COL23A1: variants seen among roughly 807,000 people sequenced by gnomAD.
The protein encoded by COL23A1 is collagen alpha-1(XXIII) chain.
Under a neutral mutation model 99.3 loss-of-function variants are expected in COL23A1, and 97 were observed. That is an observed-to-expected ratio of 0.98 (90% CI 0.83 to 1.16). The LOEUF is 1.16. Among genes scored for constraint, COL23A1 ranks in the 50% most tolerant of loss-of-function variants. COL23A1 has a pLI of 0.00. For synonymous variants in COL23A1, 320 were observed against 308.2 expected, an observed-to-expected ratio of 1.04 and a Z score of -0.40; for missense variants, 762 against 757.4, an observed-to-expected ratio of 1.01 and a Z score of -0.07.
At chr5:178,296,171 A>C (rs889796283) in intron 3 of COL23A1, among the ~76,000 whole-genome samples, 1 of 152,198 alleles carries the variant, frequency 6.6e-6, no homozygotes, top group Non-Finnish European at 1.5e-5. Context: ...CCTCCAGGGA[A>C]GCTCAGGCTG....
chr5:178,265,050 C>T (rs1367269207), intron 8 of COL23A1, among the ~76,000 whole-genome samples: 3 of 152,202 alleles, frequency 2.0e-5, no homozygotes, highest in Non-Finnish European at 4.4e-5. Flanking sequence ...CCCAGGGTTA[C>T]AGAGCCAGGG....
At position 178,239,133 on chromosome 5, in the gene COL23A1, C is replaced by T; in HGVS notation, c.1620+8G>A. The T allele has an allele frequency of 1.2e-6, 2 of 1,614,164 alleles. No homozygotes were observed. Among genetic ancestry groups the T allele is most frequent in the Non-Finnish European group, 1.7e-6 (2 of 1,180,030 alleles). On this transcript the variant is annotated splice_region_variant and intron_variant, in intron 28 of 28. Coordinates refer to ENST00000390654, the MANE Select transcript of COL23A1 (RefSeq NM_173465.4). Reference sequence around the variant, plus strand: ...CAAGCCTGCCCTGGAGACTTCCCTGCACGGTACCTTATGCCAGCAGCCAGG... The same window carrying T: ...CAAGCCTGCCCTGGAGACTTCCCTGTACGGTACCTTATGCCAGCAGCCAGG...
intron 2 of COL23A1, among the ~76,000 whole-genome samples, chr5:178,477,134 G>C (rs776674098): frequency 6.6e-6 from 1 of 152,184 alleles, no homozygotes; most frequent in Non-Finnish European, 1.5e-5. Flanking sequence ...ACAGTAAAGC[G>C]CCATAAGAGG....
chr5:178,555,201 C>T (rs62391101), intron 2 of COL23A1, among the ~76,000 whole-genome samples: 16,050 of 152,128 alleles, frequency 0.11, 1,104 homozygotes, highest in Non-Finnish European at 0.15. Flanking sequence ...GTCATGAGGG[C>T]CCACCCTAAG....
Position 178,577,617 on chromosome 5 carries a change from C to T in COL23A1, c.294+12287G>A, listed in dbSNP as rs778920904. 7.4e-4 allele frequency among the ~76,000 whole-genome samples: 113 copies of T among 152,178 alleles called. 1 individual carries two copies. The highest frequency in any genetic ancestry group is 1.3e-3 in the Non-Finnish European group (87 of 68,026). On this transcript the variant is annotated intron_variant, in intron 1 of 28. Transcript: ENST00000390654. Reference sequence around the variant, plus strand: ...CCTCCCAGAACCCGCGCCTGCCCCCCGCTGCCTGGATGGGGTCTCTGTACC... The same window carrying T: ...CCTCCCAGAACCCGCGCCTGCCCCCTGCTGCCTGGATGGGGTCTCTGTACC...
In COL23A1 at chr5:178,415,593, T is replaced by C. The variant is rs1315894073; in HGVS notation, c.362-108674A>G. On this transcript the variant is annotated intron_variant, in intron 2 of 28. Transcript: ENST00000390654. This position sits in a 1 kb window ranked among gnomAD's most constrained non-coding sequence, Gnocchi z 4.6. The stretch of plus-strand genomic sequence containing the variant: ...CAGATACTTCCAATGTGCTGACTGC[T>C]GGCACCAGAGGACAGTGCTGCCCCC... Among the ~76,000 whole-genome samples the C allele has an allele frequency of 1.3e-5, 2 of 152,168 alleles. No homozygotes were observed. Among genetic ancestry groups the C allele is most frequent in the Non-Finnish European group, 2.9e-5 (2 of 68,032 alleles).
At chr5:178,253,094 G>A (rs1765118715) in intron 16 of COL23A1, among the ~76,000 whole-genome samples, 1 of 151,924 alleles carries the variant, frequency 6.6e-6, no homozygotes, top group Non-Finnish European at 1.5e-5. Flanking sequence ...GGTAGGGGTG[G>A]GGTCTCCAGT....
chr5:178,460,577 C>T (rs1031293493), intron 2 of COL23A1, among the ~76,000 whole-genome samples: 5 of 152,164 alleles, frequency 3.3e-5, no homozygotes, highest in East Asian at 3.9e-4. Flanking sequence ...CTCTTCTAGA[C>T]GGGAAAACAG....
intron 2 of COL23A1, among the ~76,000 whole-genome samples, chr5:178,316,544 A>T (rs1198093943): frequency 2.0e-5 from 3 of 152,194 alleles, no homozygotes; most frequent in African/African-American, 7.2e-5. Flanking sequence ...GCTCCTATCC[A>T]GACAGAATTC....
rs114077200 is a variant in COL23A1 at position 178,348,535 on chromosome 5, G to A, written c.362-41616C>T. Among the ~76,000 whole-genome samples, 820 of 152,298 alleles carry A rather than the reference G, an allele frequency of 5.4e-3. 6 individuals carry two copies. The highest frequency in any genetic ancestry group is 0.019 in the African/African-American group (780 of 41,570). Reference sequence around the variant, plus strand: ...GGTGTGTGGCCTCAGGGCTCCGAACGGCGCTGGGCCAGCAGGCATACCCTC... The same window carrying A: ...GGTGTGTGGCCTCAGGGCTCCGAACAGCGCTGGGCCAGCAGGCATACCCTC... On this transcript the variant is annotated intron_variant, in intron 2 of 28. Coordinates refer to ENST00000390654, the MANE Select transcript of COL23A1 (RefSeq NM_173465.4).
At chr5:178,391,348 G>A (rs899146866) in intron 2 of COL23A1, among the ~76,000 whole-genome samples, 3 of 152,204 alleles carry the variant, frequency 2.0e-5, no homozygotes, top group Admixed American at 6.5e-5. Flanking sequence ...TCATATATCC[G>A]ATAAGGGACC....
rs1338274591 is a variant in COL23A1, at chr5:178,566,526, C to CT, written c.295-5779dup. 2.0e-5 allele frequency among the ~76,000 whole-genome samples: 3 copies of CT among 152,262 alleles called. No homozygotes were observed. In the East Asian group the frequency reaches 5.8e-4, roughly 29 times the overall value. ...CAAAATGGTGTTTTCATTGAAAACT[C>CT]TAAGGCTGGCCAGGTGTGGTGGCTC... is the stretch of plus-strand genomic sequence containing the variant. On this transcript the variant is annotated intron_variant, in intron 1 of 28. Coordinates refer to ENST00000390654, the MANE Select transcript of COL23A1 (RefSeq NM_173465.4).
chr5:178,571,130 G>A (rs1763073085), intron 1 of COL23A1, among the ~76,000 whole-genome samples: 1 of 152,182 alleles, frequency 6.6e-6, no homozygotes. Flanking sequence ...GGGAGGCCGA[G>A]GCAGGAGGAT....
chr5:178,456,186 T>C (rs890797959), intron 2 of COL23A1, among the ~76,000 whole-genome samples: 4 of 152,174 alleles, frequency 2.6e-5, no homozygotes, highest in Admixed American at 2.6e-4. Flanking sequence ...CATAATAAGT[T>C]ACAGATTTTC....
chr5:178,569,863 T>C (rs1763003344), intron 1 of COL23A1, among the ~76,000 whole-genome samples: 1 of 152,140 alleles, frequency 6.6e-6, no homozygotes, highest in Non-Finnish European at 1.5e-5. Flanking sequence ...ATCCCTGACT[T>C]CAGGAGGGTC....
At chr5:178,292,164 C>T (rs1369482134) in intron 3 of COL23A1, among the ~76,000 whole-genome samples, 1 of 152,140 alleles carries the variant, frequency 6.6e-6, no homozygotes, top group Non-Finnish European at 1.5e-5. Context: ...TATACCTGTA[C>T]CTGCCTTTCC....
chr5:178,578,293 GGCAC>G (rs1387041128), intron 1 of COL23A1, among the ~76,000 whole-genome samples: 1 of 151,990 alleles, frequency 6.6e-6, no homozygotes, highest in African/African-American at 2.4e-5. Flanking sequence ...GCATTCTCCT[GGCAC>G]ACACATACAC....
Position 178,387,720 on chromosome 5 carries a change from C to T in COL23A1, c.362-80801G>A, listed in dbSNP as rs910971509. On this transcript the variant is annotated intron_variant, in intron 2 of 28. Transcript: ENST00000390654. This position sits in a 1 kb window ranked among gnomAD's most constrained non-coding sequence, Gnocchi z 4.7. The stretch of plus-strand genomic sequence containing the variant: ...AATACACGCTGAGCTAATGAATGAA[C>T]GAACGACAATGAGGCAGTGGGTCTG... Among the ~76,000 whole-genome samples, 2 of 152,204 alleles carry T rather than the reference C, an allele frequency of 1.3e-5. No individual in the cohort carries two copies. Among genetic ancestry groups the T allele is most frequent in the Admixed American group, 6.5e-5 (1 of 15,270 alleles).
chr5:178,362,109 G>A lies in COL23A1; in HGVS notation c.362-55190C>T, dbSNP rs1194742496. On this transcript the variant is annotated intron_variant, in intron 2 of 28. Transcript: ENST00000390654. Reference sequence around the variant, plus strand: ...TTCCTAGGTCCAACTTTTAGCGGACGTCGCTGCAGGTGTGGCAGGGCATTG... The same window carrying A: ...TTCCTAGGTCCAACTTTTAGCGGACATCGCTGCAGGTGTGGCAGGGCATTG... 5.3e-5 allele frequency among the ~76,000 whole-genome samples: 8 copies of A among 152,366 alleles called. No individual in the cohort carries two copies. The South Asian group carries it at 1.4e-3, about 28-fold the overall frequency.
Sources: allele counts gnomAD v4.1 joint callset (sites outside exome capture counted in the v4.1 genomes callset), GRCh38; gene constraint gnomAD v4.1.1; non-coding constraint Gnocchi (gnomAD v3.1); transcripts MANE v1.5; gene names NCBI Gene and HGNC (gene_info 2026-07-23, HGNC 2026-07-21).